PLSCR4: variants seen among roughly 807,000 people sequenced by gnomAD.
PLSCR4 encodes Ca(2+)-dependent phospholipid scramblase 4.
A neutral mutation model predicts 36.3 loss-of-function variants in PLSCR4; 25 were observed. That is an observed-to-expected ratio of 0.69 (90% CI 0.50 to 0.96). The LOEUF is 0.96. Ranked by LOEUF, PLSCR4 falls within the 40% of genes least tolerant of loss-of-function variation. The pLI is 0.00. For synonymous variants in PLSCR4, 122 were observed against 132.9 expected (o/e 0.92, Z 0.56); for missense variants, 408 against 414.7 (o/e 0.98, Z 0.14).
At chr3:146,207,387 C>A (rs1576457718) in intron 3 of PLSCR4, among the ~76,000 whole-genome samples, 1 of 152,068 alleles carries the variant, frequency 6.6e-6, no homozygotes, top group African/African-American at 2.4e-5. Context: ...ACAAAATAAG[C>A]ACAAACTGAG....
At chr3:146,198,858 C>G (rs16858026) in intron 6 of PLSCR4, among the ~76,000 whole-genome samples, 7,810 of 152,106 alleles carry the variant, frequency 0.051, 611 homozygotes, top group African/African-American at 0.17. Context: ...ATTCACTTCA[C>G]ATATAAGGCT....
intron 1 of PLSCR4, among the ~76,000 whole-genome samples, chr3:146,242,315 A>G (rs1181510625): frequency 1.3e-5 from 2 of 152,204 alleles, no homozygotes; most frequent in African/African-American, 4.8e-5. Context: ...AGAGTTTCAC[A>G]TGAGAAGTCA....
intron 1 of PLSCR4, among the ~76,000 whole-genome samples, chr3:146,235,459 C>A (rs1459524456): frequency 3.9e-5 from 6 of 152,140 alleles, no homozygotes. Context: ...AGATTGCCAG[C>A]ATCATGCTTC....
intron 1 of PLSCR4, among the ~76,000 whole-genome samples, chr3:146,224,968 C>T (rs1369115109): frequency 2.0e-5 from 3 of 151,344 alleles, no homozygotes; most frequent in Admixed American, 6.6e-5. Context: ...TACAGAGTGT[C>T]GATTGGTGCA....
intron 5 of PLSCR4, 122 bp from the exon 6 acceptor site, chr3:146,200,161 T>C (rs938247231): frequency 3.2e-6 from 2 of 631,732 alleles, no homozygotes; most frequent in Admixed American, 2.8e-5. Context: ...AGGTGAAATA[T>C]GTAGAATTGA....
intron 1 of PLSCR4, among the ~76,000 whole-genome samples, chr3:146,227,560 T>C (rs77829041): frequency 0.013 from 1,957 of 152,184 alleles, 37 homozygotes; most frequent in African/African-American, 0.045. Context: ...AACCACAAAT[T>C]CTAGAACTCA....
intron 4 of PLSCR4, among the ~76,000 whole-genome samples, chr3:146,202,652 A>T (rs2034108922): frequency 1.3e-5 from 2 of 152,080 alleles, no homozygotes; most frequent in Admixed American, 6.6e-5. Flanking sequence ...TCTTCTCTGC[A>T]TGAAAGATTT....
At position 146,226,363 on chromosome 3, in the gene PLSCR4, T is replaced by G. The variant is rs182326015; in HGVS notation, c.-21-4271A>C. Reference sequence around the variant, plus strand: ...TCTAACTAATGGTCTGTTGTTTGATTATATGTTAAGTTCTTGGGATTGCAA... The same window carrying G: ...TCTAACTAATGGTCTGTTGTTTGATGATATGTTAAGTTCTTGGGATTGCAA... On this transcript the variant is annotated intron_variant, in intron 1 of 8. Transcript: ENST00000354952. Among the ~76,000 whole-genome samples, 7 of 152,298 alleles carry G rather than the reference T, an allele frequency of 4.6e-5. No individual in the cohort carries two copies. In the East Asian group the frequency reaches 1.4e-3, roughly 29 times the overall value.
At chr3:146,197,723 C>T (rs552027308) in intron 6 of PLSCR4, among the ~76,000 whole-genome samples, 1 of 151,680 alleles carries the variant, frequency 6.6e-6, no homozygotes, top group East Asian at 1.9e-4. Flanking sequence ...TGGTAAAAGC[C>T]CAAAGTGAAA....
At chr3:146,231,336 C>A (rs997369157) in intron 1 of PLSCR4, among the ~76,000 whole-genome samples, 1 of 152,090 alleles carries the variant, frequency 6.6e-6, no homozygotes, top group Non-Finnish European at 1.5e-5. Context: ...GTGTATGTAT[C>A]TTTTTGGTAG....
intron 5 of PLSCR4, among the ~76,000 whole-genome samples, chr3:146,200,732 C>T (rs2034001941): frequency 6.6e-6 from 1 of 151,894 alleles, no homozygotes; most frequent in African/African-American, 2.4e-5. Flanking sequence ...CTCTTGGCTC[C>T]TTTTTTTACT....
intron 4 of PLSCR4, among the ~76,000 whole-genome samples, chr3:146,204,580 G>A (rs751044828): frequency 1.3e-5 from 2 of 151,962 alleles, no homozygotes; most frequent in Non-Finnish European, 1.5e-5. Context: ...GTCCAAACCT[G>A]TGTTTTGTTT....
Position 146,223,774 on chromosome 3 carries a change from C to T in PLSCR4, c.-21-1682G>A, listed in dbSNP as rs536720085. On this transcript the variant is annotated intron_variant, in intron 1 of 8. Coordinates refer to ENST00000354952, the MANE Select transcript of PLSCR4 (RefSeq NM_020353.3). ...TGTTGTACGGTGCCCTATGTGTCTCCAAGCTTAAAAAATACATATAAATAT... is the reference window on the plus strand; with the variant it reads ...TGTTGTACGGTGCCCTATGTGTCTCTAAGCTTAAAAAATACATATAAATAT... 4.7e-5 allele frequency: 7 copies of T among 150,356 alleles called. No individual in the cohort carries two copies. In the East Asian group the frequency reaches 1.4e-3, roughly 29 times the overall value. The allele number at this position is 150,356 out of a possible 1,614,324, so 9.3% of individuals were successfully genotyped here.
At chr3:146,227,321 AAGAG>A (rs1202277751) in intron 1 of PLSCR4, among the ~76,000 whole-genome samples, 1 of 152,126 alleles carries the variant, frequency 6.6e-6, no homozygotes, top group African/African-American at 2.4e-5. Context: ...GAATGTAATT[AAGAG>A]AGAAAGGAGA....
At chr3:146,216,830 T>C (rs1402820882) in intron 3 of PLSCR4, among the ~76,000 whole-genome samples, 1 of 152,164 alleles carries the variant, frequency 6.6e-6, no homozygotes, top group East Asian at 1.9e-4. Context: ...AGTTCTACCC[T>C]TTCACCTCCA....
intron 1 of PLSCR4, among the ~76,000 whole-genome samples, chr3:146,237,392 T>C (rs1176536597): frequency 6.6e-6 from 1 of 152,116 alleles, no homozygotes; most frequent in Non-Finnish European, 1.5e-5. Flanking sequence ...TCTATAATTA[T>C]CTATGTAACA....
chr3:146,215,324 T>G lies in PLSCR4; in HGVS notation c.118+5491A>C, dbSNP rs190571215. ...TATACATAAATATATTGAATATATA[T>G]GTATGTATTATTCACTATGTGTTAT... On this transcript the variant is annotated intron_variant, in intron 3 of 8. Coordinates refer to ENST00000354952, the MANE Select transcript of PLSCR4 (RefSeq NM_020353.3). Among the ~76,000 whole-genome samples the G allele has an allele frequency of 7.2e-5, 11 of 151,998 alleles. No homozygotes were observed. The East Asian group carries it at 1.7e-3, about 24-fold the overall frequency.
chr3:146,213,439 C>CT (rs1193778911), intron 3 of PLSCR4, among the ~76,000 whole-genome samples: 1 of 148,254 alleles, frequency 6.7e-6, no homozygotes, highest in Non-Finnish European at 1.5e-5. Context: ...TCAAGCCATT[C>CT]TCCTGTCTCA....
At chr3:146,232,615 T>C (rs917073127) in intron 1 of PLSCR4, among the ~76,000 whole-genome samples, 2 of 152,166 alleles carry the variant, frequency 1.3e-5, no homozygotes, top group African/African-American at 4.8e-5. Context: ...GTGAATGGTA[T>C]TGCATTCTTG....
Sources: gnomAD v4.1 joint callset for allele counts (sites outside exome capture counted in the v4.1 genomes callset) on GRCh38, gnomAD v4.1.1 for gene constraint, MANE v1.5 for transcripts, NCBI Gene and HGNC (gene_info 2026-07-23, HGNC 2026-07-21) for gene names.